OPA1: variants seen among roughly 807,000 people sequenced by gnomAD.
OPA1 encodes dynamin-like GTPase OPA1, mitochondrial.
In OPA1, 59 loss-of-function variants were observed where a neutral mutation model predicts 152.9. The observed-to-expected ratio is 0.39, with a 90% CI of 0.31 to 0.48. OPA1 has a LOEUF of 0.48. Ranked by LOEUF, OPA1 falls within the 20% of genes least tolerant of loss-of-function variation. The pLI, the probability that OPA1 is intolerant of heterozygous loss-of-function variation, is 0.96. For synonymous variants in OPA1, 400 were observed against 389.9 expected, an observed-to-expected ratio of 1.03 and a Z score of -0.31; for missense variants, 1,008 against 1,216.8, an observed-to-expected ratio of 0.83 and a Z score of 2.55.
At chr3:193,598,378 A>G (rs992505667) in intron 1 of OPA1, among the ~76,000 whole-genome samples, 2 of 152,214 alleles carry the variant, frequency 1.3e-5, no homozygotes, top group Admixed American at 6.5e-5. Flanking sequence ...AGGGGAGATT[A>G]GAAGAGCTCT....
intron 11 of OPA1, among the ~76,000 whole-genome samples, chr3:193,639,996 A>G (rs954985791): frequency 1.1e-4 from 16 of 152,106 alleles, no homozygotes; most frequent in African/African-American, 3.9e-4. Context: ...AACAAATTGA[A>G]GGATGTAGTT....
chr3:193,620,434 GA>G (rs1165422066), intron 6 of OPA1, among the ~76,000 whole-genome samples: 1 of 152,100 alleles, frequency 6.6e-6, no homozygotes, highest in Non-Finnish European at 1.5e-5. Flanking sequence ...ATTATTTTTG[GA>G]AATTTAATTA....
intron 1 of OPA1, among the ~76,000 whole-genome samples, chr3:193,607,043 C>T (rs1365019442): frequency 6.6e-6 from 1 of 152,114 alleles, no homozygotes; most frequent in African/African-American, 2.4e-5. Context: ...TTTCATGTGT[C>T]TTTTGGCTGC....
In OPA1 at chr3:193,642,871, T is replaced by TA. The variant is rs761333683; in HGVS notation, c.1230+27dup. ...GTAAGTAAAATTCATCTAAGGTTGATATGTGTAATTTTATAACCTGGATGA... is the reference window on the plus strand; with the variant it reads ...GTAAGTAAAATTCATCTAAGGTTGATAATGTGTAATTTTATAACCTGGATGA... On this transcript the variant is annotated intron_variant, in intron 12 of 30. Coordinates refer to ENST00000361510, the MANE Select transcript of OPA1 (RefSeq NM_130837.3). The TA allele has an allele frequency of 2.5e-6, 4 of 1,572,098 alleles. No individual in the cohort carries two copies. In the South Asian group the frequency reaches 3.3e-5, roughly 13 times the overall value.
Position 193,618,659 on chromosome 3 carries a change from T to C in OPA1, c.611-210T>C. 5.5e-6 allele frequency: 3 copies of C among 548,208 alleles called. No individual in the cohort carries two copies. The South Asian group carries it at 6.5e-5, about 12-fold the overall frequency. The allele number at this position is 548,208 out of a possible 1,614,324, so 34.0% of individuals were successfully genotyped here. On this transcript the variant is annotated intron_variant, in intron 5 of 30. Transcript: ENST00000361510. ...ATTTTTAATTGTTAGGTTAAACATA[T>C]GCTGCGATTGCTATAGTTAGTTTTT... is the stretch of plus-strand genomic sequence containing the variant.
At chr3:193,684,205 C>T (rs557011923) in intron 29 of OPA1, among the ~76,000 whole-genome samples, 88 of 152,168 alleles carry the variant, frequency 5.8e-4, no homozygotes, top group African/African-American at 2.0e-3. Flanking sequence ...GTTTCTCATG[C>T]GGGCTAACAT....
At chr3:193,613,065 A>C (rs778177904) in intron 1 of OPA1, among the ~76,000 whole-genome samples, 6 of 152,234 alleles carry the variant, frequency 3.9e-5, no homozygotes, top group Non-Finnish European at 8.8e-5. Flanking sequence ...GATCTGTTAA[A>C]AGAAAACTTC....
intron 1 of OPA1, among the ~76,000 whole-genome samples, chr3:193,599,037 A>C (rs1011015211): frequency 6.6e-6 from 1 of 152,152 alleles, no homozygotes; most frequent in Non-Finnish European, 1.5e-5. Context: ...TCCTGTGCCT[A>C]GTCTGGCGAG....
chr3:193,599,400 C>T (rs1726114120), intron 1 of OPA1, among the ~76,000 whole-genome samples: 2 of 141,776 alleles, frequency 1.4e-5, no homozygotes, highest in Non-Finnish European at 1.6e-5. Context: ...CTTTTTTATT[C>T]TTTTTTTTTT....
At chr3:193,685,719 T>A (rs1043111047) in intron 29 of OPA1, among the ~76,000 whole-genome samples, 15 of 152,188 alleles carry the variant, frequency 9.9e-5, no homozygotes, top group South Asian at 2.1e-4. Flanking sequence ...TGTGGTTACA[T>A]ATTTTACTAG....
In OPA1 at chr3:193,642,790, A is replaced by C. The variant is rs763830900; in HGVS notation, c.1175A>C (p.His392Pro). The C allele has an allele frequency of 2.5e-6, 4 of 1,613,314 alleles. No homozygotes were observed. In the South Asian group the frequency reaches 3.3e-5, roughly 13 times the overall value. ...VKVTLSEGPH[H>P]VALFKDSSRE... is the part of the protein sequence containing the mutation. ...GTGACTCTGAGTGAAGGTCCTCACC[A>C]TGTGGCCCTATTTAAAGATAGTTCT... The change falls in exon 12 of 31, where the codon CAT (histidine) becomes CCT (proline). Residue 392 changes from histidine to proline, a missense_variant. Physicochemically the swap from His to Pro is moderately conservative, Grantham distance 77. Transcript: ENST00000361510.
intron 29 of OPA1, among the ~76,000 whole-genome samples, chr3:193,678,899 ATCTC>A (rs1347306800): frequency 4.6e-5 from 7 of 152,088 alleles, no homozygotes; most frequent in Admixed American, 4.6e-4. Flanking sequence ...GTGAACTCTA[ATCTC>A]TATTACAAAG....
chr3:193,618,775 C>A, intron 5 of OPA1, 94 bp from the exon 6 acceptor site: 1 of 995,344 alleles, frequency 1.0e-6, no homozygotes, highest in Non-Finnish European at 1.6e-6. Flanking sequence ...TCTAAAAATC[C>A]ATTCACCTTT....
At chr3:193,637,811 A>AT (rs34348471) in intron 10 of OPA1, 141 bp from the exon 11 acceptor site, 15 of 742,014 alleles carry the variant, frequency 2.0e-5, no homozygotes, top group Middle Eastern at 2.8e-4. Context: ...ATCAATCACC[A>AT]TTTTTTTACG....
chr3:193,617,044 A>G, intron 3 of OPA1, 134 bp from the exon 4 acceptor site: 2 of 622,800 alleles, frequency 3.2e-6, no homozygotes, highest in East Asian at 2.9e-5. Context: ...CTCATCTGTA[A>G]ATGGTGTTGA....
chr3:193,620,288 T>C (rs370353075), intron 6 of OPA1, among the ~76,000 whole-genome samples: 2 of 152,334 alleles, frequency 1.3e-5, no homozygotes. Flanking sequence ...TTCTCTCTTA[T>C]GGCCTAGGAT....
intron 5 of OPA1, 35 bp downstream of exon 5, chr3:193,617,872 G>A (rs1301295085): frequency 6.7e-7 from 1 of 1,486,052 alleles, no homozygotes; most frequent in Admixed American, 1.7e-5. Flanking sequence ...ACCTTAACAT[G>A]CCTTTTAAAT....
At chr3:193,688,786 GC>G (rs966953687) in intron 29 of OPA1, among the ~76,000 whole-genome samples, 2 of 152,014 alleles carry the variant, frequency 1.3e-5, no homozygotes, top group African/African-American at 4.8e-5. Flanking sequence ...TTCGAGACCA[GC>G]CTGGGCAACA....
At chr3:193,652,930 A>G (rs1560388728) in intron 21 of OPA1, among the ~76,000 whole-genome samples, 1 of 152,132 alleles carries the variant, frequency 6.6e-6, no homozygotes, top group Non-Finnish European at 1.5e-5. Context: ...AAAGGGTGTC[A>G]GGGATATGGA....
Sources: gnomAD v4.1 joint callset for allele counts (sites outside exome capture counted in the v4.1 genomes callset) on GRCh38, gnomAD v4.1.1 for gene constraint, MANE v1.5 for transcripts, NCBI Gene and HGNC (gene_info 2026-07-23, HGNC 2026-07-21) for gene names.